Variants in TRABD2A observed in about 807,000 individuals in gnomAD.
TRABD2A encodes TraB domain containing 2A, also known as metalloprotease TIKI1.
In TRABD2A, 43 loss-of-function variants were observed where a neutral mutation model predicts 45.6. The ratio of observed to expected loss-of-function variants is 0.94; its 90% CI spans 0.74 to 1.22. The LOEUF is 1.22. TRABD2A is among the 50% of genes most tolerant of loss of function. The probability of loss-of-function intolerance (pLI) is 0.00; values close to 1 mark genes in which losing one functional copy is unlikely to be tolerated. For missense variants in TRABD2A, 642 were observed against 652.4 expected (o/e 0.98, Z 0.17); for synonymous variants, 269 against 265.0 (o/e 1.02, Z -0.15).
At chr2:84,868,517 T>TTAA (rs1432996378) in intron 2 of TRABD2A, among the ~76,000 whole-genome samples, 82 of 147,466 alleles carry the variant, frequency 5.6e-4, no homozygotes, top group African/African-American at 2.2e-3. Flanking sequence ...AACTAATTAG[T>TTAA]TAATTAGTTA....
At chr2:84,833,276 G>A (rs544550624) in intron 4 of TRABD2A, 5 of 152,322 alleles carry the variant, frequency 3.3e-5, no homozygotes, top group African/African-American at 9.6e-5. Context: ...GGCCACTGGA[G>A]AAGTAACCCT....
In TRABD2A at chr2:84,839,186, C is replaced by T. The variant is rs370973661; in HGVS notation, c.954G>A (p.Glu318=). The T allele has an allele frequency of 2.7e-5, 44 of 1,614,000 alleles. No homozygotes were observed. The African/African-American group carries it at 3.6e-4, about 13-fold the overall frequency. ...IGKRVKALLE[E]FPDKGFFFAF... Reference sequence around the variant, plus strand: ...CAAAGAAGAAGCCTTTGTCAGGGAACTCCTCCAAAAGGGCCTTCACCCGCT... The same window carrying T: ...CAAAGAAGAAGCCTTTGTCAGGGAATTCCTCCAAAAGGGCCTTCACCCGCT... Residue 318 remains glutamate (E), a synonymous_variant, in exon 4 of 7, where the codon GAG becomes GAA. Coordinates refer to ENST00000409520, the MANE Select transcript of TRABD2A (RefSeq NM_001277053.2).
At position 84,824,007 on chromosome 2, in the gene TRABD2A, T is replaced by A. The variant is rs200243150; in HGVS notation, c.1280A>T (p.Gln427Leu). ...GAATTGCCGGAGTCGCGGCCTCCGC[T>A]GTGACCGCCTCCGCTTCTTCCGGAA... is the stretch of plus-strand genomic sequence containing the variant. Reference protein sequence around the residue: ...QRFRKKRRRSQRRPRLRQFSD... With the variant: ...QRFRKKRRRSLRRPRLRQFSD... The change falls in exon 6 of 7, where the codon CAG becomes CTG. Residue 427 changes from glutamine (Q) to leucine (L), a missense_variant. Physicochemically the swap from Gln to Leu is moderately radical, Grantham distance 113. Coordinates refer to ENST00000409520, the MANE Select transcript of TRABD2A (RefSeq NM_001277053.2). The A allele has an allele frequency of 5.5e-5, 89 of 1,613,794 alleles. No individual in the cohort carries two copies. Among genetic ancestry groups the A allele is most frequent in the Non-Finnish European group, 7.5e-5 (88 of 1,179,774 alleles).
At chr2:84,864,630 T>C (rs1682616105) in intron 2 of TRABD2A, among the ~76,000 whole-genome samples, 2 of 152,108 alleles carry the variant, frequency 1.3e-5, no homozygotes, top group Admixed American at 1.3e-4. Flanking sequence ...CTCGGGTTAG[T>C]CCAGCAGGAA....
At chr2:84,879,181 A>G (rs1431654580) in intron 1 of TRABD2A, among the ~76,000 whole-genome samples, 1 of 136,338 alleles carries the variant, frequency 7.3e-6, no homozygotes, top group Non-Finnish European at 1.6e-5. Flanking sequence ...GGTTTTCAAT[A>G]CTTTTTTTTT....
intron 4 of TRABD2A, chr2:84,832,826 A>T (rs556324308): frequency 1.5e-4 from 23 of 151,762 alleles, no homozygotes; most frequent in Admixed American, 1.1e-3. Flanking sequence ...AGGGGGGGGA[A>T]TTCCCAACTA....
At chr2:84,845,152 A>T (rs1401508666) in intron 2 of TRABD2A, among the ~76,000 whole-genome samples, 1 of 152,126 alleles carries the variant, frequency 6.6e-6, no homozygotes, top group Non-Finnish European at 1.5e-5. Context: ...GGAGTTCAAG[A>T]CCAGCCTGGC....
At chr2:84,867,155 A>G (rs1168059719) in intron 2 of TRABD2A, among the ~76,000 whole-genome samples, 1 of 152,126 alleles carries the variant, frequency 6.6e-6, no homozygotes, top group African/African-American at 2.4e-5. Flanking sequence ...AGTTACATGA[A>G]AAAAAGACTT....
At chr2:84,871,012 G>A (rs529411399) in intron 1 of TRABD2A, among the ~76,000 whole-genome samples, 2 of 152,284 alleles carry the variant, frequency 1.3e-5, no homozygotes, top group East Asian at 3.9e-4. Flanking sequence ...AACCTTGGCT[G>A]TATGTTGGGA....
At position 84,852,866 on chromosome 2, in the gene TRABD2A, G is replaced by A. The variant is rs189863304; in HGVS notation, c.670-10859C>T. Among the ~76,000 whole-genome samples the A allele has an allele frequency of 1.6e-3, 241 of 152,244 alleles. 2 individuals carry two copies. The highest frequency in any genetic ancestry group is 5.4e-3 in the African/African-American group (224 of 41,544). ...AAAAGAAGAATAGATCTCCCAATGGGAGAAGTTTCCATTAGCCCAGGAGGG... is the reference window on the plus strand; with the variant it reads ...AAAAGAAGAATAGATCTCCCAATGGAAGAAGTTTCCATTAGCCCAGGAGGG... On this transcript the variant is annotated intron_variant, in intron 2 of 6. Coordinates refer to ENST00000409520, the MANE Select transcript of TRABD2A (RefSeq NM_001277053.2).
At chr2:84,870,015 TA>T (rs969419064) in intron 2 of TRABD2A, among the ~76,000 whole-genome samples, 2 of 148,198 alleles carry the variant, frequency 1.3e-5, no homozygotes, top group Non-Finnish European at 3.0e-5. Context: ...GTTGGAATGA[TA>T]AGAAAAAAAC....
chr2:84,824,133 T>G lies in TRABD2A; in HGVS notation c.1154A>C (p.Glu385Ala). The G allele has an allele frequency of 6.2e-7, 1 of 1,614,002 alleles. No individual in the cohort carries two copies. The highest frequency in any genetic ancestry group is 8.5e-7 in the Non-Finnish European group (1 of 1,179,884). The change falls in exon 6 of 7, where the codon GAA (glutamate) becomes GCA (alanine). Residue 385 changes from glutamate to alanine, a missense_variant. By Grantham distance (107) the Glu-to-Ala change is moderately radical. Coordinates refer to ENST00000409520, the MANE Select transcript of TRABD2A (RefSeq NM_001277053.2). Reference protein sequence around the residue: ...TIFAPKVPTLEVPAPEAVSSG... With the variant: ...TIFAPKVPTLAVPAPEAVSSG... ...GGATACGGCTTCTGGTGCCGGTACT[T>G]CCAGGGTAGGGACTTTTGGAGCAAA...
chr2:84,834,411 A>C (rs1014208162), intron 4 of TRABD2A: 1 of 152,258 alleles, frequency 6.6e-6, no homozygotes, highest in Non-Finnish European at 1.5e-5. Flanking sequence ...TTATATTTCT[A>C]TAACAGTTTT....
Position 84,862,875 on chromosome 2 carries a change from G to A in TRABD2A, c.669+7350C>T, listed in dbSNP as rs1353281349. ...CAGGAGCTTCACAGCCAGCCATTCA[G>A]GTACAACGTTGGTTTGATTTTCTGC... On this transcript the variant is annotated intron_variant, in intron 2 of 6. Coordinates refer to ENST00000409520, the MANE Select transcript of TRABD2A (RefSeq NM_001277053.2). 3.3e-5 allele frequency among the ~76,000 whole-genome samples: 5 copies of A among 152,178 alleles called. No individual in the cohort carries two copies. In the East Asian group the frequency reaches 9.6e-4, roughly 29 times the overall value.
At chr2:84,866,020 G>A (rs1254257068) in intron 2 of TRABD2A, among the ~76,000 whole-genome samples, 1 of 152,238 alleles carries the variant, frequency 6.6e-6, no homozygotes, top group Admixed American at 6.5e-5. Flanking sequence ...GATGATGTCT[G>A]CCCTGAGATG....
intron 4 of TRABD2A, chr2:84,832,446 C>T (rs1559085093): frequency 8.2e-6 from 3 of 364,954 alleles, no homozygotes; most frequent in East Asian, 5.1e-5. Context: ...GGTAAGACCT[C>T]CCAGAAGAGG....
chr2:84,865,539 G>T (rs1371803968), intron 2 of TRABD2A, among the ~76,000 whole-genome samples: 1 of 152,148 alleles, frequency 6.6e-6, no homozygotes, highest in African/African-American at 2.4e-5. Context: ...CAGAACTGTT[G>T]GCTACATTCA....
intron 2 of TRABD2A, among the ~76,000 whole-genome samples, chr2:84,847,961 T>C (rs1681955199): frequency 6.6e-6 from 1 of 152,224 alleles, no homozygotes; most frequent in South Asian, 2.1e-4. Flanking sequence ...CATAGTGTTC[T>C]TCCCACATGT....
intron 2 of TRABD2A, among the ~76,000 whole-genome samples, chr2:84,844,276 G>A (rs531425232): frequency 1.2e-4 from 18 of 152,300 alleles, no homozygotes; most frequent in Non-Finnish European, 1.9e-4. Context: ...ATGGAGGTAG[G>A]TCTTTCCCAT....
Sources: gnomAD v4.1 joint callset for allele counts (sites outside exome capture counted in the v4.1 genomes callset) on GRCh38, gnomAD v4.1.1 for gene constraint, MANE v1.5 for transcripts, NCBI Gene and HGNC (gene_info 2026-07-23, HGNC 2026-07-21) for gene names.